Variants in LIPC observed in about 807,000 individuals in gnomAD.
The protein encoded by LIPC is lipase C, hepatic type.
Under a neutral mutation model 50.7 loss-of-function variants are expected in LIPC, and 44 were observed. That is an observed-to-expected ratio of 0.87 (90% CI 0.68 to 1.11). The LOEUF is 1.11. Among genes scored for constraint, LIPC ranks in the 50% most tolerant of loss-of-function variants. LIPC has a pLI of 0.00. For synonymous variants in LIPC, 271 were observed against 256.4 expected (o/e 1.06, Z -0.54); for missense variants, 697 against 648.2 (o/e 1.08, Z -0.82).
At chr15:58,464,611 T>G (rs1388009658) in intron 1 of LIPC, among the ~76,000 whole-genome samples, 3 of 152,202 alleles carry the variant, frequency 2.0e-5, no homozygotes, top group Non-Finnish European at 1.5e-5. Context: ...CACCTTCAAC[T>G]TCTTGGGATG....
At chr15:58,511,412 C>A (rs1892327690) in intron 1 of LIPC, among the ~76,000 whole-genome samples, 1 of 152,152 alleles carries the variant, frequency 6.6e-6, no homozygotes, top group Non-Finnish European at 1.5e-5. Flanking sequence ...CATTGCATTG[C>A]ATTTACCATT....
chr15:58,563,666 G>A lies in LIPC; in HGVS notation c.1331G>A (p.Arg444His), dbSNP rs376117349. The A allele has an allele frequency of 5.5e-5, 89 of 1,613,872 alleles. No homozygotes were observed. Among genetic ancestry groups the A allele is most frequent in the Admixed American group, 2.5e-4 (15 of 60,002 alleles). ...QTIIPWSTGP[R>H]HSGLVLKTIR... ...ATCATCCCATGGAGCACAGGGCCGC[G>A]CCACTCAGGCCTCGTTCTGAAGACG... The change falls in exon 8 of 9, where the codon CGC becomes CAC. Residue 444 changes from arginine (R) to histidine (H), a missense_variant. Physicochemically the swap from Arg to His is conservative, Grantham distance 29 (BLOSUM62 0). Coordinates refer to ENST00000299022, the MANE Select transcript of LIPC (RefSeq NM_000236.3).
At chr15:58,444,074 G>A (rs1893601897) in intron 1 of LIPC, among the ~76,000 whole-genome samples, 1 of 152,166 alleles carries the variant, frequency 6.6e-6, no homozygotes, top group Admixed American at 6.5e-5. Flanking sequence ...CAGGGGCTAC[G>A]ATGGCTCAGC....
At chr15:58,468,647 C>A (rs1427218014) in intron 1 of LIPC, among the ~76,000 whole-genome samples, 2 of 152,172 alleles carry the variant, frequency 1.3e-5, no homozygotes. Flanking sequence ...CACCATTTAA[C>A]TGTGGCAGAG....
At chr15:58,499,935 T>C (rs1297405570) in intron 1 of LIPC, among the ~76,000 whole-genome samples, 3 of 152,066 alleles carry the variant, frequency 2.0e-5, no homozygotes, top group African/African-American at 4.8e-5. Flanking sequence ...GGAGGTCTGT[T>C]TCGGTAGAAG....
In LIPC at chr15:58,501,135, G is replaced by A. The variant is rs142285143; in HGVS notation, c.89-37198G>A. Among the ~76,000 whole-genome samples the A allele has an allele frequency of 1.4e-4, 21 of 151,978 alleles. 1 individual carries two copies. The East Asian group carries it at 2.5e-3, about 18-fold the overall frequency. On this transcript the variant is annotated intron_variant, in intron 1 of 8. Coordinates refer to ENST00000299022, the MANE Select transcript of LIPC (RefSeq NM_000236.3). ...GGTCCTGCTGACTCCACCTTAAAAT[G>A]CCTCCTGTGCACCCTTTCCTCTGCG...
chr15:58,437,022 G>T, intron 1 of LIPC: 1 of 370,834 alleles, frequency 2.7e-6, no homozygotes. Flanking sequence ...CACTGAAGTT[G>T]GGGACTCCAG....
chr15:58,485,120 G>A (rs1891324762), intron 1 of LIPC, among the ~76,000 whole-genome samples: 1 of 152,224 alleles, frequency 6.6e-6, no homozygotes, highest in Non-Finnish European at 1.5e-5. Flanking sequence ...AGGGGTAATA[G>A]CATCAGTTAT....
chr15:58,555,819 C>T (rs954689146), intron 6 of LIPC, among the ~76,000 whole-genome samples: 4 of 152,182 alleles, frequency 2.6e-5, no homozygotes, highest in Non-Finnish European at 5.9e-5. Context: ...TGCTGATAAT[C>T]GTGGGAGGGC....
At chr15:58,548,249 G>T in intron 5 of LIPC, 81 bp from the exon 6 acceptor site, 1 of 1,600,934 alleles carries the variant, frequency 6.2e-7, no homozygotes. Context: ...ACCTCCTGTG[G>T]GATGAGAACC....
intron 1 of LIPC, among the ~76,000 whole-genome samples, chr15:58,480,537 C>T (rs1358925090): frequency 2.0e-5 from 3 of 152,000 alleles, no homozygotes; most frequent in African/African-American, 7.3e-5. Context: ...TCAAGTGATC[C>T]GCCCCCACCT....
intron 1 of LIPC, among the ~76,000 whole-genome samples, chr15:58,530,271 C>T (rs1340879164): frequency 2.6e-5 from 4 of 152,302 alleles, no homozygotes; most frequent in South Asian, 4.1e-4. Flanking sequence ...GAAGACCTTC[C>T]GGACATGCCA....
Position 58,512,350 on chromosome 15 carries a change from C to T in LIPC, c.89-25983C>T, listed in dbSNP as rs753444709. ...CTGACGTCAGGTCATCCACCTGCCT[C>T]GGCCTACCAAAGTGTTGTTGGGATT... On this transcript the variant is annotated intron_variant, in intron 1 of 8. Transcript: ENST00000299022. 8.5e-5 allele frequency among the ~76,000 whole-genome samples: 13 copies of T among 152,302 alleles called. No individual in the cohort carries two copies. In the South Asian group the frequency reaches 2.5e-3, roughly 29 times the overall value.
chr15:58,537,651 C>T (rs537065792), intron 1 of LIPC, among the ~76,000 whole-genome samples: 10 of 152,234 alleles, frequency 6.6e-5, no homozygotes, highest in Admixed American at 2.0e-4. Flanking sequence ...ACCCCTGACC[C>T]CCGCAACAAA....
At chr15:58,494,920 C>A in intron 1 of LIPC, 1 of 455,188 alleles carries the variant, frequency 2.2e-6, no homozygotes. Context: ...AATATTAGTC[C>A]AGTCCCTCAC....
intron 1 of LIPC, among the ~76,000 whole-genome samples, chr15:58,515,993 T>A (rs113392249): frequency 6.6e-6 from 1 of 152,198 alleles, no homozygotes; most frequent in Non-Finnish European, 1.5e-5. Flanking sequence ...AATCATCGTC[T>A]GACCACCACA....
At chr15:58,549,943 A>T (rs1893686889) in intron 6 of LIPC, among the ~76,000 whole-genome samples, 1 of 152,196 alleles carries the variant, frequency 6.6e-6, no homozygotes, top group Non-Finnish European at 1.5e-5. Flanking sequence ...CTCCTCTTTT[A>T]AATGGCAATG....
intron 1 of LIPC, among the ~76,000 whole-genome samples, chr15:58,528,330 G>T (rs1388078204): frequency 6.6e-6 from 1 of 151,932 alleles, no homozygotes; most frequent in Admixed American, 6.6e-5. Context: ...GATTAAATCC[G>T]GCCTAAAAAC....
At chr15:58,559,684 C>A (rs1396479846) in intron 6 of LIPC, among the ~76,000 whole-genome samples, 1 of 134,716 alleles carries the variant, frequency 7.4e-6, no homozygotes, top group Admixed American at 8.1e-5. Context: ...GCCTCAGTGA[C>A]AGAGAGAGAC....
Sources: gnomAD v4.1 joint callset for allele counts (sites outside exome capture counted in the v4.1 genomes callset) on GRCh38, gnomAD v4.1.1 for gene constraint, MANE v1.5 for transcripts, NCBI Gene and HGNC (gene_info 2026-07-23, HGNC 2026-07-21) for gene names.